The following DZIP3 variants were observed in gnomAD, a reference collection of about 807,000 sequenced individuals.
DZIP3 encodes E3 ubiquitin-protein ligase DZIP3.
In DZIP3, 118 loss-of-function variants were observed where a neutral mutation model predicts 162.0. The observed-to-expected ratio is 0.73, with a 90% CI of 0.63 to 0.85. The LOEUF is 0.85. DZIP3 is among the 40% of genes least tolerant of loss of function. The pLI, the probability that DZIP3 is intolerant of heterozygous loss-of-function variation, is 0.00. For synonymous variants in DZIP3, 438 were observed against 458.6 expected (o/e 0.96, Z 0.57); for missense variants, 1,331 against 1,407.0 (o/e 0.95, Z 0.86).
chr3:108,689,345 A>C (rs1048453272), intron 31 of DZIP3, among the ~76,000 whole-genome samples: 5 of 152,158 alleles, frequency 3.3e-5, no homozygotes, highest in South Asian at 2.1e-4. Flanking sequence ...CAGTCTCTTC[A>C]GGCTTCTATA....
At chr3:108,621,258 C>A (rs545950222) in intron 5 of DZIP3, among the ~76,000 whole-genome samples, 1 of 152,184 alleles carries the variant, frequency 6.6e-6, no homozygotes, top group South Asian at 2.1e-4. Context: ...TTTAATGTAA[C>A]AAATTTTTAT....
At chr3:108,642,883 T>C (rs542967978) in intron 13 of DZIP3, among the ~76,000 whole-genome samples, 7 of 152,180 alleles carry the variant, frequency 4.6e-5, no homozygotes, top group Admixed American at 1.3e-4. Context: ...ACATTTTGAG[T>C]TTGAGGCCAA....
At chr3:108,673,260 A>G (rs1290817306) in intron 23 of DZIP3, among the ~76,000 whole-genome samples, 1 of 151,958 alleles carries the variant, frequency 6.6e-6, no homozygotes, top group Non-Finnish European at 1.5e-5. Flanking sequence ...TGTCATGGGT[A>G]AGCTCTGTTC....
At chr3:108,617,409 TTCTG>T (rs1941076938) in intron 5 of DZIP3, among the ~76,000 whole-genome samples, 1 of 143,548 alleles carries the variant, frequency 7.0e-6, no homozygotes, top group African/African-American at 2.5e-5. Flanking sequence ...AGAAAAAATA[TTCTG>T]TCTTTTTAAA....
intron 8 of DZIP3, among the ~76,000 whole-genome samples, chr3:108,631,450 C>G (rs1941881875): frequency 6.6e-6 from 1 of 151,800 alleles, no homozygotes; most frequent in Non-Finnish European, 1.5e-5. Context: ...GATCATAGTT[C>G]ACTGCAGCCT....
intron 26 of DZIP3, 44 bp from the exon 27 acceptor site, chr3:108,684,172 T>TG (rs146441770): frequency 0.13 from 194,271 of 1,472,224 alleles, 6,384 homozygotes; most frequent in South Asian, 0.19. Flanking sequence ...TATAAATATG[T>TG]GGGGGGGGGT....
At chr3:108,642,069 T>C (rs931309409) in intron 12 of DZIP3, among the ~76,000 whole-genome samples, 1 of 152,184 alleles carries the variant, frequency 6.6e-6, no homozygotes, top group African/African-American at 2.4e-5. Context: ...TATTATATGG[T>C]GAAGAGAGGG....
chr3:108,593,440 C>G (rs554370517), intron 1 of DZIP3, among the ~76,000 whole-genome samples: 1 of 152,036 alleles, frequency 6.6e-6, no homozygotes, highest in South Asian at 2.1e-4. Context: ...TATACCTGTT[C>G]ATAAGTGAGC....
intron 25 of DZIP3, among the ~76,000 whole-genome samples, chr3:108,676,154 A>C (rs1224652890): frequency 6.6e-6 from 1 of 152,006 alleles, no homozygotes; most frequent in Non-Finnish European, 1.5e-5. Context: ...GCCCCAATCA[A>C]AACTAAATGT....
intron 4 of DZIP3, among the ~76,000 whole-genome samples, chr3:108,615,040 T>C (rs1258919412): frequency 6.6e-6 from 1 of 152,146 alleles, no homozygotes; most frequent in Non-Finnish European, 1.5e-5. Flanking sequence ...CCAGGGCTGC[T>C]CCTCCTTATA....
chr3:108,674,203 A>G, intron 24 of DZIP3, 22 bp downstream of exon 24: 2 of 1,588,154 alleles, frequency 1.3e-6, no homozygotes, highest in Non-Finnish European at 1.7e-6. Context: ...CTCTTCCTTA[A>G]TGCATCTTAA....
At position 108,634,859 on chromosome 3, in the gene DZIP3, AT is replaced by A. The variant is rs758910567; in HGVS notation, c.817-5del. The A allele has an allele frequency of 1.5e-5, 24 of 1,574,568 alleles. No individual in the cohort carries two copies. In the East Asian group the frequency reaches 2.0e-4, roughly 13 times the overall value. On this transcript the variant is annotated splice_polypyrimidine_tract_variant and intron_variant, in intron 9 of 32. Transcript: ENST00000361582. Reference sequence around the variant, plus strand: ...ATGTCCTTATTGATAACTTACTTTTATTTTTTTCCAGGGATTTTTTCAGTTA... The same window carrying A: ...ATGTCCTTATTGATAACTTACTTTTATTTTTTCCAGGGATTTTTTCAGTTA...
chr3:108,629,633 C>CAT (rs1417279273), intron 8 of DZIP3, among the ~76,000 whole-genome samples: 1 of 152,054 alleles, frequency 6.6e-6, no homozygotes, highest in Admixed American at 6.6e-5. Context: ...CACACACACA[C>CAT]ACACATATAA....
At chr3:108,687,398 C>T (rs1944536255) in intron 28 of DZIP3, among the ~76,000 whole-genome samples, 1 of 152,078 alleles carries the variant, frequency 6.6e-6, no homozygotes, top group South Asian at 2.1e-4. Flanking sequence ...ACTGTAGATG[C>T]AGGCTTTGGA....
intron 4 of DZIP3, among the ~76,000 whole-genome samples, chr3:108,613,218 C>T (rs1447559995): frequency 6.6e-6 from 1 of 152,022 alleles, no homozygotes; most frequent in African/African-American, 2.4e-5. Context: ...AAATTAAAAT[C>T]CACAAATATC....
chr3:108,669,873 A>G, intron 22 of DZIP3, 124 bp downstream of exon 22: 1 of 734,598 alleles, frequency 1.4e-6, no homozygotes, highest in Non-Finnish European at 2.3e-6. Flanking sequence ...CTGATATTGA[A>G]CAGTACTAAT....
At chr3:108,659,243 A>G (rs112216344) in intron 19 of DZIP3, among the ~76,000 whole-genome samples, 1 of 152,212 alleles carries the variant, frequency 6.6e-6, no homozygotes, top group African/African-American at 2.4e-5. Flanking sequence ...AAAATCCTCA[A>G]TAAAATACTG....
Position 108,644,650 on chromosome 3 carries a change from T to G in DZIP3, c.1628T>G (p.Met543Arg), listed in dbSNP as rs760423802. The G allele has an allele frequency of 1.9e-6, 3 of 1,614,058 alleles. No individual in the cohort carries two copies. Among genetic ancestry groups the G allele is most frequent in the Non-Finnish European group, 2.5e-6 (3 of 1,179,962 alleles). ...GATATTCTTCTGCGCCTTGGGATGATGCAAGAGGATATTGACAAAGTGAAG... is the reference window on the plus strand; with the variant it reads ...GATATTCTTCTGCGCCTTGGGATGAGGCAAGAGGATATTGACAAAGTGAAG... ...VSDILLRLGM[M>R]QEDIDKVKEN... Residue 543 changes from methionine to arginine, a missense_variant, in exon 14 of 33, where the codon ATG becomes AGG. Met to Arg is a moderately conservative substitution (Grantham distance 91). Coordinates refer to ENST00000361582, the MANE Select transcript of DZIP3 (RefSeq NM_014648.4).
chr3:108,666,362 A>G (rs1040135340), intron 21 of DZIP3, among the ~76,000 whole-genome samples: 1 of 152,218 alleles, frequency 6.6e-6, no homozygotes, highest in African/African-American at 2.4e-5. Flanking sequence ...ACCTCAAGGT[A>G]TATGTACCAA....
Sources: gnomAD v4.1 joint callset for allele counts (sites outside exome capture counted in the v4.1 genomes callset) on GRCh38, gnomAD v4.1.1 for gene constraint, MANE v1.5 for transcripts, NCBI Gene and HGNC (gene_info 2026-07-23, HGNC 2026-07-21) for gene names.